Variants in EIF3G observed in about 807,000 individuals in gnomAD.
The protein encoded by EIF3G is eukaryotic translation initiation factor 3 RNA-binding subunit.
A neutral mutation model predicts 41.7 loss-of-function variants in EIF3G; 10 were observed. The observed-to-expected ratio is 0.24, with a 90% CI of 0.15 to 0.41. EIF3G has a LOEUF of 0.41. Among genes scored for constraint, EIF3G ranks in the 10% least tolerant of loss-of-function variants. The pLI, the probability that EIF3G is intolerant of heterozygous loss-of-function variation, is 1.00. For synonymous variants in EIF3G, 204 were observed against 172.5 expected (o/e 1.18, Z -1.43); for missense variants, 297 against 444.0 (o/e 0.67, Z 2.98).
chr19:10,116,269 CTGG>C lies in EIF3G; in HGVS notation c.596-198_596-196del, dbSNP rs1365185906. Reference sequence around the variant, plus strand: ...CCATTTGAGCTCCCAGCCAGCGACACTGGTGGAGGAGGAGGAGGAGGAGCCCCG... The same window carrying C: ...CCATTTGAGCTCCCAGCCAGCGACACTGGAGGAGGAGGAGGAGGAGCCCCG... On this transcript the variant is annotated intron_variant, in intron 7 of 10. Transcript: ENST00000253108. The surrounding 1 kb of genome is among the most constrained non-coding windows in gnomAD (Gnocchi z 4.1). 2 of 613,716 alleles carry C rather than the reference CTGG, an allele frequency of 3.3e-6. No homozygotes were observed. Among genetic ancestry groups the C allele is most frequent in the East Asian group, 5.6e-5 (2 of 35,804 alleles). The allele number at this position is 613,716 out of a possible 1,614,324, so 38.0% of individuals were successfully genotyped here.
Position 10,116,679 on chromosome 19 carries a change from C to G in EIF3G, c.595+121G>C. On this transcript the variant is annotated intron_variant, in intron 7 of 10. Transcript: ENST00000253108. The surrounding 1 kb of genome is among the most constrained non-coding windows in gnomAD (Gnocchi z 4.1). ...GTACAGCCAATTAGGAAGGCACAGA[C>G]GCCCCGAGGAGAGTCTGGCACCATC... The G allele has an allele frequency of 9.8e-7, 1 of 1,018,730 alleles. No homozygotes were observed. The highest frequency in any genetic ancestry group is 1.4e-6 in the Non-Finnish European group (1 of 709,190). 63.1% of individuals were successfully genotyped at this position (1,018,730 alleles called of 1,614,324 possible). A position where few individuals can be genotyped will look rare whatever the true frequency, so the allele number is the denominator to read the frequency against.
At chr19:10,115,445 G>A in intron 10 of EIF3G, 34 bp downstream of exon 10, 2 of 1,577,748 alleles carry the variant, frequency 1.3e-6, no homozygotes, top group Non-Finnish European at 1.7e-6. Context: ...GGACAAGGCA[G>A]GGAGCAGGGG....
rs145988955 is a variant in EIF3G at position 10,118,680 on chromosome 19, G to T, written c.288C>A (p.Val96=). 2 of 1,613,954 alleles carry T rather than the reference G, an allele frequency of 1.2e-6. No individual in the cohort carries two copies. The highest frequency in any genetic ancestry group is 1.7e-6 in the Non-Finnish European group (2 of 1,180,008). Residue 96 remains valine (V), a synonymous_variant, in exon 5 of 11, where the codon GTC becomes GTA. Transcript: ENST00000253108. ...AGAAGAGCCTCACCTTCCTCCTTGC[G>T]ACAGCCTTTGAAGCCTTCCGGGTCT... ...RIETRKASKA[V]ARRKNWKKFG...
chr19:10,115,246 G>T lies in EIF3G; in HGVS notation c.948-117C>A. The T allele has an allele frequency of 2.2e-6, 3 of 1,366,996 alleles. No homozygotes were observed. In the South Asian group the frequency reaches 4.1e-5, roughly 19 times the overall value. 84.7% of individuals were successfully genotyped at this position (1,366,996 alleles called of 1,614,324 possible). A position where few individuals can be genotyped will look rare whatever the true frequency, so the allele number is the denominator to read the frequency against. ...GGACGGGGTAATGTGAGGACGAAGC[G>T]GGCACGGAGCCAGATGGCCAGTCTC... On this transcript the variant is annotated intron_variant, in intron 10 of 10. Transcript: ENST00000253108.
In EIF3G at chr19:10,116,013, G is replaced by C. The variant is rs548473194; in HGVS notation, c.657C>G (p.Arg219=). The C allele has an allele frequency of 6.2e-7, 1 of 1,613,618 alleles. No individual in the cohort carries two copies. Among genetic ancestry groups the C allele is most frequent in the Non-Finnish European group, 8.5e-7 (1 of 1,179,880 alleles). Residue 219 remains arginine (R), a synonymous_variant, in exon 8 of 11, where the codon CGC becomes CGG. Coordinates refer to ENST00000253108, the MANE Select transcript of EIF3G (RefSeq NM_003755.5). This position sits in a 1 kb window ranked among gnomAD's most constrained non-coding sequence, Gnocchi z 4.1. ...ACTCCCCGCGGCGGCTGGCCCCGTC[G>C]CGCAGGCTCGGCGGCACATACTTCC... ...KTGKYVPPSL[R]DGASRRGESM... is the part of the protein sequence containing the mutation.
intron 9 of EIF3G, 23 bp from the exon 10 acceptor site, chr19:10,115,608 C>A: frequency 6.2e-7 from 1 of 1,610,210 alleles, no homozygotes; most frequent in South Asian, 1.1e-5. Context: ...GGGATGGGGT[C>A]GGGCACGAGC....
chr19:10,119,276 G>A, intron 2 of EIF3G, 105 bp from the exon 3 acceptor site: 1 of 1,292,148 alleles, frequency 7.7e-7, no homozygotes, highest in East Asian at 2.5e-5. Context: ...AGCGGAGAAA[G>A]GCAGGCCAAG....
rs368352623 is a variant in EIF3G at position 10,115,121 on chromosome 19, G to T, written c.956C>A (p.Thr319Asn). ...ILNVEWAKPS[T>N]N ...TACACAGTGGCAGCTGGCTTAGTTG[G>T]TGGACGGCCTGGGGTAGGGGAGGGT... The change falls in exon 11 of 11, where the codon ACC becomes AAC. Residue 319 changes from threonine (T) to asparagine (N), a missense_variant. Around this residue, in one of 4 missense-constraint regions of EIF3G, gnomAD observed 91 missense variants for 170.5 expected, o/e 0.53. Coordinates refer to ENST00000253108, the MANE Select transcript of EIF3G (RefSeq NM_003755.5). 5.0e-6 allele frequency: 8 copies of T among 1,614,032 alleles called. No individual in the cohort carries two copies. Among genetic ancestry groups the T allele is most frequent in the Non-Finnish European group, 6.8e-6 (8 of 1,180,012 alleles).
At chr19:10,117,211 G>C (rs1230447094) in intron 5 of EIF3G, 23 bp from the exon 6 acceptor site, 30 of 1,435,248 alleles carry the variant, frequency 2.1e-5, no homozygotes, top group Non-Finnish European at 2.5e-5. Context: ...AGGGATGGGG[G>C]ACAGTTGAGG....
chr19:10,115,859 A>G (rs764778081), intron 8 of EIF3G, 39 bp from the exon 9 acceptor site: 5 of 1,606,616 alleles, frequency 3.1e-6, no homozygotes, highest in East Asian at 4.5e-5. Flanking sequence ...GGGGGAGGAC[A>G]CTGCCCAGCC....
chr19:10,115,417 C>T, intron 10 of EIF3G, 62 bp downstream of exon 10: 2 of 1,534,892 alleles, frequency 1.3e-6, no homozygotes, highest in Non-Finnish European at 8.9e-7. Flanking sequence ...GTTGGCCCAA[C>T]ACTCCGTGAA....
Position 10,116,966 on chromosome 19 carries a change from C to G in EIF3G, c.429G>C (p.Glu143Asp), listed in dbSNP as rs770564468. The G allele has an allele frequency of 7.4e-6, 12 of 1,611,650 alleles. No individual in the cohort carries two copies. Among genetic ancestry groups the G allele is most frequent in the African/African-American group, 1.3e-5 (1 of 74,996 alleles). ...SKEDLNCQEE[E>D]DPMNKLKGQK... The stretch of plus-strand genomic sequence containing the variant: ...GGCCCTTGAGTTTGTTCATAGGGTC[C>G]TCCTCCTCCTGGCAGTTCAGGTCCT... The change falls in exon 7 of 11, where the codon GAG becomes GAC. Residue 143 changes from glutamate (E) to aspartate (D), a missense_variant. Glu to Asp is a conservative substitution (Grantham distance 45). Coordinates refer to ENST00000253108, the MANE Select transcript of EIF3G (RefSeq NM_003755.5). The surrounding 1 kb of genome is among the most constrained non-coding windows in gnomAD (Gnocchi z 4.1).
Position 10,115,421 on chromosome 19 carries a change from C to T in EIF3G, c.947+58G>A, listed in dbSNP as rs547298834. 20 of 1,540,810 alleles carry T rather than the reference C, an allele frequency of 1.3e-5. No individual in the cohort carries two copies. The East Asian group carries it at 4.5e-4, about 35-fold the overall frequency. On this transcript the variant is annotated intron_variant, in intron 10 of 10. Coordinates refer to ENST00000253108, the MANE Select transcript of EIF3G (RefSeq NM_003755.5). ...CAGGGCTATTGGTTGGCCCAACACTCCGTGAAGGTGCTGGGACAAGGCAGG... is the reference window on the plus strand; with the variant it reads ...CAGGGCTATTGGTTGGCCCAACACTTCGTGAAGGTGCTGGGACAAGGCAGG...
intron 10 of EIF3G, 41 bp from the exon 11 acceptor site, chr19:10,115,170 C>T: frequency 6.2e-7 from 1 of 1,610,170 alleles, no homozygotes. Flanking sequence ...CTTCTGGGGG[C>T]ACCCCAAGAC....
chr19:10,115,393 G>C (rs1157815356), intron 10 of EIF3G, 86 bp downstream of exon 10: 2 of 1,433,480 alleles, frequency 1.4e-6, no homozygotes, highest in African/African-American at 2.8e-5. Flanking sequence ...TGTTAAATTG[G>C]CTCAGGGCTA....
Position 10,115,551 on chromosome 19 carries a change from T to C in EIF3G, c.875A>G (p.Asp292Gly), listed in dbSNP as rs1440416347. 1 of 1,612,998 alleles carries C rather than the reference T, an allele frequency of 6.2e-7. No individual in the cohort carries two copies. The highest frequency in any genetic ancestry group is 1.3e-5 in the African/African-American group (1 of 74,834). The change falls in exon 10 of 11, where the codon GAT (aspartate) becomes GGT (glycine). Residue 292 changes from aspartate to glycine, a missense_variant. Asp to Gly is a moderately conservative substitution (Grantham distance 94). This residue lies in a region of EIF3G where 91 missense variants were observed against 170.5 expected (regional missense o/e 0.53). Transcript: ENST00000253108. ...FAFISFHRRE[D>G]AARAIAGVSG... ...CACCCCGGCAATGGCACGCGCAGCA[T>C]CCTCGCGGCGGTGGAAGCTGATGAA...
In EIF3G at chr19:10,118,746, A is replaced by C; in HGVS notation, c.241-19T>G. ...GGACAATCTGAGGATGGGAGGGGAG[A>C]AGGGTCAGGCTCCTGGGACCAAGGG... is the stretch of plus-strand genomic sequence containing the variant. On this transcript the variant is annotated intron_variant, in intron 4 of 10. Transcript: ENST00000253108. 1 of 1,613,428 alleles carries C rather than the reference A, an allele frequency of 6.2e-7. No homozygotes were observed. The highest frequency in any genetic ancestry group is 8.5e-7 in the Non-Finnish European group (1 of 1,179,774).
At chr19:10,115,440 AGGCAGGG>A in intron 10 of EIF3G, 32 bp downstream of exon 10, 1 of 1,573,326 alleles carries the variant, frequency 6.4e-7, no homozygotes, top group South Asian at 1.2e-5. Flanking sequence ...TGCTGGGACA[AGGCAGGG>A]AGCAGGGGCT....
chr19:10,118,380 A>C, intron 5 of EIF3G: 1 of 389,536 alleles, frequency 2.6e-6, no homozygotes, highest in African/African-American at 2.1e-5. Context: ...AGCCTGGCCA[A>C]CATGGCAAAA....
Sources: allele counts gnomAD v4.1 joint callset, GRCh38; gene constraint gnomAD v4.1.1; regional missense constraint gnomAD v4.1.1; non-coding constraint Gnocchi (gnomAD v3.1); transcripts MANE v1.5; gene names NCBI Gene and HGNC (gene_info 2026-07-23, HGNC 2026-07-21).